WWOX: variants seen among roughly 807,000 people sequenced by gnomAD.
WWOX encodes the protein WW domain containing oxidoreductase.
WWOX carries 69 observed loss-of-function variants against 46.2 expected under a neutral mutation model. That is an observed-to-expected ratio of 1.49 (90% confidence interval 1.23 to 1.82). The LOEUF (loss-of-function observed/expected upper bound fraction) is 1.82. Among genes scored for constraint, WWOX ranks in the 40% most tolerant of loss-of-function variants. The pLI is 0.00. For missense variants in WWOX, 919 were observed against 542.6 expected (o/e 1.69, Z -6.89); for synonymous variants, 359 against 202.6 (o/e 1.77, Z -6.56).
intron 8 of WWOX, among the ~76,000 whole-genome samples, chr16:78,936,016 C>A (rs1208590286): frequency 6.6e-6 from 1 of 152,024 alleles, no homozygotes; most frequent in South Asian, 2.1e-4. Context: ...GAAGTTCTGC[C>A]AACACAGTGG....
chr16:78,225,025 A>G (rs2037005094), intron 5 of WWOX, among the ~76,000 whole-genome samples: 1 of 152,246 alleles, frequency 6.6e-6, no homozygotes, highest in South Asian at 2.1e-4. Flanking sequence ...GGTTATGTAT[A>G]TCACAGGTAC....
intron 8 of WWOX, among the ~76,000 whole-genome samples, chr16:78,731,621 T>C (rs1026298397): frequency 6.6e-6 from 1 of 152,096 alleles, no homozygotes; most frequent in Non-Finnish European, 1.5e-5. Context: ...AAATTCAGAA[T>C]AGATGGCATG....
chr16:79,129,115 C>T (rs1172660087), intron 8 of WWOX, among the ~76,000 whole-genome samples: 2 of 151,940 alleles, frequency 1.3e-5, no homozygotes, highest in South Asian at 2.1e-4. Context: ...TTGCAAACAA[C>T]GGTAGTTATA....
At chr16:78,970,326 T>G (rs1454079777) in intron 8 of WWOX, among the ~76,000 whole-genome samples, 2 of 152,226 alleles carry the variant, frequency 1.3e-5, no homozygotes, top group Non-Finnish European at 2.9e-5. Flanking sequence ...AAACTCCATT[T>G]GGACTTTCTC....
chr16:78,405,765 T>A (rs774043688), intron 6 of WWOX, among the ~76,000 whole-genome samples: 7 of 152,186 alleles, frequency 4.6e-5, no homozygotes, highest in Non-Finnish European at 8.8e-5. Flanking sequence ...CTAATTCTTG[T>A]GGCTGTCAAA....
rs2085089221 is a variant in WWOX at position 78,502,287 on chromosome 16, T to G, written c.1056+69535T>G. Among the ~76,000 whole-genome samples, 5 of 152,194 alleles carry G rather than the reference T, an allele frequency of 3.3e-5. No homozygotes were observed. In the South Asian group the frequency reaches 1.0e-3, roughly 32 times the overall value. On this transcript the variant is annotated intron_variant, in intron 8 of 8. Coordinates refer to ENST00000566780, the MANE Select transcript of WWOX (RefSeq NM_016373.4). ...TTTGCATCCACCATCACAATCAGTT[T>G]TAGAACATTTTCATTAACCCAAGAA...
intron 5 of WWOX, among the ~76,000 whole-genome samples, chr16:78,202,102 T>C (rs531128867): frequency 6.6e-6 from 1 of 152,356 alleles, no homozygotes; most frequent in South Asian, 2.1e-4. Context: ...GGACTTGCAA[T>C]CTGGCTGAAA....
At chr16:78,644,791 T>C (rs2046801750) in intron 8 of WWOX, among the ~76,000 whole-genome samples, 1 of 152,196 alleles carries the variant, frequency 6.6e-6, no homozygotes, top group African/African-American at 2.4e-5. Context: ...CCAACAAATA[T>C]TTATTTCGTG....
At chr16:79,080,473 C>A (rs2048740115) in intron 8 of WWOX, among the ~76,000 whole-genome samples, 1 of 152,080 alleles carries the variant, frequency 6.6e-6, no homozygotes, top group Non-Finnish European at 1.5e-5. Context: ...TCTTCTCTTG[C>A]CACAAATCAG....
At chr16:78,342,113 C>T (rs1183714717) in intron 5 of WWOX, among the ~76,000 whole-genome samples, 1 of 120,980 alleles carries the variant, frequency 8.3e-6, no homozygotes, top group African/African-American at 2.8e-5. Context: ...GAGACTATGT[C>T]TCAAGAAAAT....
intron 8 of WWOX, among the ~76,000 whole-genome samples, chr16:78,638,109 C>G (rs575324951): frequency 3.3e-5 from 5 of 152,190 alleles, no homozygotes; most frequent in Admixed American, 3.3e-4. Flanking sequence ...CTTAGTTATT[C>G]TAATAACTGC....
intron 8 of WWOX, among the ~76,000 whole-genome samples, chr16:78,791,734 C>G (rs2050605895): frequency 6.6e-6 from 1 of 152,048 alleles, no homozygotes; most frequent in African/African-American, 2.4e-5. Context: ...AAAAAATTAG[C>G]TGGGATTTGG....
intron 4 of WWOX, among the ~76,000 whole-genome samples, chr16:78,132,798 T>G (rs1211190290): frequency 6.6e-6 from 1 of 152,210 alleles, no homozygotes; most frequent in Non-Finnish European, 1.5e-5. Flanking sequence ...GTAGCTGAGC[T>G]CTGCTAATGC....
At chr16:78,138,900 T>G (rs1437494373) in intron 4 of WWOX, among the ~76,000 whole-genome samples, 1 of 152,162 alleles carries the variant, frequency 6.6e-6, no homozygotes, top group African/African-American at 2.4e-5. Flanking sequence ...CTCAAAGATG[T>G]TCCCCCCATG....
chr16:78,723,322 G>A lies in WWOX; in HGVS notation c.1056+290570G>A, dbSNP rs543105135. Reference sequence around the variant, plus strand: ...ATGAAGCATGGTCTCTTGCCTTGGGGTCAGTGTCTGTCAACGTGGCTTTTG... The same window carrying A: ...ATGAAGCATGGTCTCTTGCCTTGGGATCAGTGTCTGTCAACGTGGCTTTTG... On this transcript the variant is annotated intron_variant, in intron 8 of 8. Coordinates refer to ENST00000566780, the MANE Select transcript of WWOX (RefSeq NM_016373.4). Among the ~76,000 whole-genome samples the A allele has an allele frequency of 3.7e-3, 564 of 152,260 alleles. 2 individuals carry two copies. Among genetic ancestry groups the A allele is most frequent in the African/African-American group, 0.013 (540 of 41,558 alleles).
intron 8 of WWOX, among the ~76,000 whole-genome samples, chr16:78,493,436 C>G (rs778384023): frequency 6.6e-6 from 1 of 152,214 alleles, no homozygotes; most frequent in Non-Finnish European, 1.5e-5. Flanking sequence ...TCACATCAAG[C>G]TAGGTCCACC....
At position 78,642,550 on chromosome 16, in the gene WWOX, G is replaced by A. The variant is rs538182643; in HGVS notation, c.1056+209798G>A. ...TCAGTTATTTGTTCCTGTGATTTTC[G>A]CGCCACCAGGAGCCACTTGTTGGAT... On this transcript the variant is annotated intron_variant, in intron 8 of 8. Transcript: ENST00000566780. Among the ~76,000 whole-genome samples the A allele has an allele frequency of 1.1e-4, 16 of 151,972 alleles. No homozygotes were observed. The South Asian group carries it at 1.2e-3, about 12-fold the overall frequency.
chr16:78,361,084 A>AT (rs1033542150), intron 5 of WWOX, among the ~76,000 whole-genome samples: 1 of 152,132 alleles, frequency 6.6e-6, no homozygotes, highest in Non-Finnish European at 1.5e-5. Flanking sequence ...CGGCTTCCCA[A>AT]AGTGCTGGGA....
chr16:78,716,907 A>G (rs56054405), intron 8 of WWOX, among the ~76,000 whole-genome samples: 25,692 of 151,966 alleles, frequency 0.17, 2,787 homozygotes, highest in Non-Finnish European at 0.23. Context: ...TTATTATCTT[A>G]TTTTCAGTTT....
Sources: gnomAD v4.1 joint callset for allele counts (sites outside exome capture counted in the v4.1 genomes callset) on GRCh38, gnomAD v4.1.1 for gene constraint, MANE v1.5 for transcripts, NCBI Gene and HGNC (gene_info 2026-07-23, HGNC 2026-07-21) for gene names.